The following GPM6A variants were observed in gnomAD, a reference collection of about 807,000 sequenced individuals.
The protein encoded by GPM6A is glycoprotein M6A.
GPM6A carries 7 observed loss-of-function variants against 32.1 expected under a neutral mutation model. The ratio of observed to expected loss-of-function variants is 0.22; its 90% CI spans 0.12 to 0.41. The LOEUF is 0.41. GPM6A is among the 10% of genes least tolerant of loss of function. GPM6A has a pLI of 1.00. For missense variants in GPM6A, 235 were observed against 347.2 expected (o/e 0.68, Z 2.57); for synonymous variants, 130 against 123.4 (o/e 1.05, Z -0.35).
chr4:175,912,586 C>T (rs1166572603), intron 1 of GPM6A, among the ~76,000 whole-genome samples: 1 of 152,084 alleles, frequency 6.6e-6, no homozygotes, highest in Non-Finnish European at 1.5e-5. Flanking sequence ...ACTTGGGAGG[C>T]AGAGGTTGCA....
chr4:175,711,962 A>T (rs1745580883), intron 1 of GPM6A, among the ~76,000 whole-genome samples: 1 of 152,192 alleles, frequency 6.6e-6, no homozygotes, highest in South Asian at 2.1e-4. Context: ...CAACTGCAAT[A>T]AAATTAAAAG....
At chr4:175,897,224 G>A (rs1403994791) in intron 1 of GPM6A, among the ~76,000 whole-genome samples, 1 of 152,078 alleles carries the variant, frequency 6.6e-6, no homozygotes, top group Non-Finnish European at 1.5e-5. Context: ...CAGTGCAAGT[G>A]GCTGAAACCA....
intron 1 of GPM6A, among the ~76,000 whole-genome samples, chr4:175,762,384 T>G (rs772734029): frequency 6.6e-6 from 1 of 152,182 alleles, no homozygotes; most frequent in Non-Finnish European, 1.5e-5. Context: ...TATTCTTTCA[T>G]TCATTCACCC....
intron 1 of GPM6A, among the ~76,000 whole-genome samples, chr4:175,809,459 C>T (rs1171170807): frequency 6.6e-6 from 1 of 151,564 alleles, no homozygotes; most frequent in African/African-American, 2.4e-5. Context: ...CATTTAGAGG[C>T]CATGTTTTAC....
intron 1 of GPM6A, among the ~76,000 whole-genome samples, chr4:175,989,786 A>T (rs1741082155): frequency 6.6e-6 from 1 of 152,154 alleles, no homozygotes. Flanking sequence ...ATATCATGGC[A>T]ATAAGTGGGA....
At chr4:175,915,208 A>G (rs1030419043) in intron 1 of GPM6A, among the ~76,000 whole-genome samples, 9 of 152,196 alleles carry the variant, frequency 5.9e-5, no homozygotes, top group African/African-American at 2.2e-4. Flanking sequence ...GTCTGAAACC[A>G]AAAGGCAAAT....
Position 175,747,356 on chromosome 4 carries a change from CATT to C in GPM6A, c.38-45592_38-45590del, listed in dbSNP as rs1417465745. Among the ~76,000 whole-genome samples the C allele has an allele frequency of 2.0e-5, 3 of 150,906 alleles. No individual in the cohort carries two copies. In the South Asian group the frequency reaches 6.3e-4, roughly 32 times the overall value. On this transcript the variant is annotated intron_variant, in intron 1 of 6. Coordinates refer to ENST00000393658, the MANE Select transcript of GPM6A (RefSeq NM_201591.3). ...AATAAGACTGAATTAAATATTACAT[CATT>C]ATGAGGGAGTATGAAATACAGGAAT...
rs148523866 is a variant in GPM6A, at chr4:175,997,384, G to A, written c.-23+4925C>T. ...CACACTAGAAGCCAAATGATCAAAA[G>A]TATTATCCAGTACTCTAGCATCATA... On this transcript the variant is annotated intron_variant, in intron 1 of 7. Coordinates refer to the GPM6A transcript ENST00000280187. Among the ~76,000 whole-genome samples, 13 of 152,178 alleles carry A rather than the reference G, an allele frequency of 8.5e-5. No homozygotes were observed. The East Asian group carries it at 2.1e-3, about 25-fold the overall frequency.
At chr4:175,854,308 G>A (rs34528491) in intron 1 of GPM6A, among the ~76,000 whole-genome samples, 311 of 152,270 alleles carry the variant, frequency 2.0e-3, no homozygotes, top group Non-Finnish European at 2.2e-3. Context: ...CGAACTAAAA[G>A]AGGAATAAAG....
chr4:175,666,621 A>G (rs1213124570), intron 3 of GPM6A, among the ~76,000 whole-genome samples: 2 of 152,158 alleles, frequency 1.3e-5, no homozygotes, highest in Non-Finnish European at 2.9e-5. Flanking sequence ...TTATTATTTC[A>G]TCCTTACTCT....
At chr4:175,678,746 C>G (rs945395870) in intron 2 of GPM6A, among the ~76,000 whole-genome samples, 7 of 152,164 alleles carry the variant, frequency 4.6e-5, no homozygotes, top group African/African-American at 1.4e-4. Flanking sequence ...AATTTGACAT[C>G]AAGAACACTT....
At chr4:175,998,227 C>T (rs1039598428) in intron 1 of GPM6A, among the ~76,000 whole-genome samples, 1 of 151,848 alleles carries the variant, frequency 6.6e-6, no homozygotes, top group African/African-American at 2.4e-5. Context: ...GATCTCGGCT[C>T]ACTGCAACCT....
chr4:175,689,505 C>G (rs1744177835), intron 2 of GPM6A, among the ~76,000 whole-genome samples: 1 of 151,806 alleles, frequency 6.6e-6, no homozygotes, highest in Non-Finnish European at 1.5e-5. Context: ...AAGTTCAACC[C>G]TCTTAAATTT....
chr4:175,696,368 T>G (rs949506759), intron 2 of GPM6A, among the ~76,000 whole-genome samples: 1 of 152,218 alleles, frequency 6.6e-6, no homozygotes, highest in Non-Finnish European at 1.5e-5. Flanking sequence ...CAAAATCTTA[T>G]TCACCACACT....
At chr4:175,652,383 A>G (rs17061754) in intron 3 of GPM6A, among the ~76,000 whole-genome samples, 6,864 of 152,236 alleles carry the variant, frequency 0.045, 182 homozygotes, top group Non-Finnish European at 0.061. Context: ...ATAAATTTCC[A>G]TAGGACTAAA....
At chr4:175,636,844 A>G (rs1263577942) in intron 6 of GPM6A, among the ~76,000 whole-genome samples, 2 of 144,172 alleles carry the variant, frequency 1.4e-5, no homozygotes, top group African/African-American at 5.1e-5. Context: ...TATAAAATAT[A>G]TATTTTTATA....
At chr4:175,847,661 T>C (rs191633283) in intron 1 of GPM6A, among the ~76,000 whole-genome samples, 1 of 152,216 alleles carries the variant, frequency 6.6e-6, no homozygotes, top group Admixed American at 6.6e-5. Context: ...ATGCTTCCTT[T>C]AAGTGAAAAG....
intron 1 of GPM6A, among the ~76,000 whole-genome samples, chr4:175,880,654 G>T (rs1376417004): frequency 1.3e-5 from 2 of 152,160 alleles, no homozygotes; most frequent in Non-Finnish European, 2.9e-5. Flanking sequence ...AAGCAATTGT[G>T]AATGGGAGTT....
chr4:175,928,060 G>C (rs1036774750), intron 1 of GPM6A, among the ~76,000 whole-genome samples: 3 of 152,174 alleles, frequency 2.0e-5, no homozygotes, highest in Admixed American at 6.5e-5. Flanking sequence ...AGGAGGACGT[G>C]AAACTGCAGT....
Sources: gnomAD v4.1 joint callset for allele counts (sites outside exome capture counted in the v4.1 genomes callset) on GRCh38, gnomAD v4.1.1 for gene constraint, MANE v1.5 for transcripts, NCBI Gene and HGNC (gene_info 2026-07-23, HGNC 2026-07-21) for gene names.